The following SAMD5 variants were observed in gnomAD, a reference collection of about 807,000 sequenced individuals.
SAMD5 encodes the protein sterile alpha motif domain containing 5, also known as sterile alpha motif domain-containing protein 5.
SAMD5 carries 13 observed loss-of-function variants against 11.3 expected under a neutral mutation model. That is an observed-to-expected ratio of 1.15 (90% CI 0.75 to 1.83). SAMD5 has a LOEUF of 1.83. Among genes scored for constraint, SAMD5 ranks in the 40% most tolerant of loss-of-function variants. The pLI is 0.00. For synonymous variants in SAMD5, 129 were observed against 111.3 expected, an observed-to-expected ratio of 1.16 and a Z score of -1.00; for missense variants, 255 against 239.1, an observed-to-expected ratio of 1.07 and a Z score of -0.44.
chr6:147,780,865 C>A, the SAMD5 span, among the ~76,000 whole-genome samples: 1 of 152,094 alleles, frequency 6.6e-6, no homozygotes, highest in Non-Finnish European at 1.5e-5. Flanking sequence ...GCCTGACATG[C>A]TAATTCTTTG....
chr6:147,801,003 G>T, the SAMD5 span, among the ~76,000 whole-genome samples: 2 of 151,940 alleles, frequency 1.3e-5, no homozygotes, highest in Non-Finnish European at 2.9e-5. Context: ...AAATTTTATT[G>T]TAATACATGT....
At chr6:147,897,223 A>G in the SAMD5 span, among the ~76,000 whole-genome samples, 5 of 152,188 alleles carry the variant, frequency 3.3e-5, no homozygotes, top group East Asian at 7.7e-4. Context: ...TACATGCTTA[A>G]CCACAAGCTT....
intron 1 of SAMD5, among the ~76,000 whole-genome samples, chr6:147,559,248 A>C (rs1788908665): frequency 6.6e-6 from 1 of 152,226 alleles, no homozygotes; most frequent in African/African-American, 2.4e-5. Flanking sequence ...CATTCTCAGA[A>C]GCGTCAGTGA....
At chr6:147,772,283 C>A in the SAMD5 span, among the ~76,000 whole-genome samples, 14 of 152,066 alleles carry the variant, frequency 9.2e-5, no homozygotes, top group Non-Finnish European at 1.8e-4. Context: ...ACTTGTAGAA[C>A]TTTTAGAAGT....
the SAMD5 span, among the ~76,000 whole-genome samples, chr6:147,776,057 A>G: frequency 6.6e-6 from 1 of 152,218 alleles, no homozygotes; most frequent in African/African-American, 2.4e-5. Context: ...AAAGTTAACT[A>G]TAGACTAGAC....
chr6:147,710,046 A>G (rs1299215486), intron 1 of SAMD5, among the ~76,000 whole-genome samples: 1 of 152,020 alleles, frequency 6.6e-6, no homozygotes, highest in Non-Finnish European at 1.5e-5. Flanking sequence ...TCCTGCAACT[A>G]CCTTTTTGTG....
the SAMD5 span, among the ~76,000 whole-genome samples, chr6:147,878,500 A>G: frequency 1.3e-5 from 2 of 150,994 alleles, no homozygotes; most frequent in Non-Finnish European, 2.9e-5. Flanking sequence ...TCTAATATTA[A>G]TGACATAGTT....
At chr6:147,909,632 C>CTTTTTCTTTCTTTCTTTCTT in the SAMD5 span, among the ~76,000 whole-genome samples, 1 of 61,160 alleles carries the variant, frequency 1.6e-5, no homozygotes, top group African/African-American at 1.2e-4. Flanking sequence ...TTCTTTCTTT[C>CTTTTTCTTTCTTTCTTTCTT]TCTTTCTTGT....
intron 1 of SAMD5, among the ~76,000 whole-genome samples, chr6:147,580,567 C>A (rs2128446165): frequency 6.6e-6 from 1 of 152,312 alleles, no homozygotes; most frequent in East Asian, 1.9e-4. Context: ...TAGCCCCTAG[C>A]TAGCCATGTG....
intron 1 of SAMD5, among the ~76,000 whole-genome samples, chr6:147,735,187 G>A (rs1033825864): frequency 1.3e-5 from 2 of 152,156 alleles, no homozygotes; most frequent in Admixed American, 1.3e-4. Context: ...TCAATACTCT[G>A]TTATTGGTCT....
the SAMD5 span, among the ~76,000 whole-genome samples, chr6:147,816,429 A>G: frequency 3.3e-5 from 5 of 149,502 alleles, no homozygotes; most frequent in Non-Finnish European, 7.4e-5. Flanking sequence ...TTAAATATAC[A>G]TCTTTAGAAG....
chr6:147,738,345 C>T (rs1402408501), downstream of SAMD5, among the ~76,000 whole-genome samples: 1 of 152,174 alleles, frequency 6.6e-6, no homozygotes, highest in Non-Finnish European at 1.5e-5. Context: ...AGGATTCTGC[C>T]ACTTGGTTTC....
At chr6:147,789,098 A>G in the SAMD5 span, among the ~76,000 whole-genome samples, 5 of 129,454 alleles carry the variant, frequency 3.9e-5, no homozygotes, top group Admixed American at 3.8e-4. Flanking sequence ...CAAACAAACA[A>G]ACAAAAAAAA....
intron 1 of SAMD5, among the ~76,000 whole-genome samples, chr6:147,618,404 G>T (rs549719821): frequency 5.9e-5 from 9 of 152,308 alleles, no homozygotes; most frequent in Non-Finnish European, 1.2e-4. Context: ...GGCAACATGA[G>T]GGGGAGCAGA....
At chr6:147,618,656 G>T (rs1445303170) in intron 1 of SAMD5, among the ~76,000 whole-genome samples, 1 of 152,198 alleles carries the variant, frequency 6.6e-6, no homozygotes, top group African/African-American at 2.4e-5. Flanking sequence ...CTTGGCGGGA[G>T]CCCATTATCT....
At chr6:147,735,550 C>T (rs1235258130) in intron 1 of SAMD5, among the ~76,000 whole-genome samples, 2 of 152,062 alleles carry the variant, frequency 1.3e-5, no homozygotes, top group African/African-American at 2.4e-5. Context: ...TGAATAGAAA[C>T]TAAATGTGCT....
the SAMD5 span, among the ~76,000 whole-genome samples, chr6:147,828,605 A>T: frequency 5.8e-4 from 88 of 152,268 alleles, 2 homozygotes; most frequent in South Asian, 0.01. Flanking sequence ...AAGCCCTCAA[A>T]CATCGAACTC....
At chr6:147,796,058 C>G in the SAMD5 span, among the ~76,000 whole-genome samples, 2 of 147,972 alleles carry the variant, frequency 1.4e-5, no homozygotes, top group African/African-American at 5.1e-5. Flanking sequence ...TGTGCAGAAG[C>G]TCTTTAGTTT....
chr6:147,757,737 A>C, the SAMD5 span, among the ~76,000 whole-genome samples: 1 of 152,196 alleles, frequency 6.6e-6, no homozygotes, highest in African/African-American at 2.4e-5. Context: ...TAATCCTTGG[A>C]AATTTTAAGG....
Sources: gnomAD v4.1 joint callset for allele counts (sites outside exome capture counted in the v4.1 genomes callset) on GRCh38, gnomAD v4.1.1 for gene constraint, MANE v1.5 for transcripts, NCBI Gene and HGNC (gene_info 2026-07-23, HGNC 2026-07-21) for gene names.